Variants in PKD1 observed in about 807,000 individuals in gnomAD.
The protein encoded by PKD1 is polycystin 1, transient receptor potential channel interacting.
In PKD1, 81 loss-of-function variants were observed where a neutral mutation model predicts 361.7. The observed-to-expected ratio is 0.22, with a 90% CI of 0.19 to 0.27. The LOEUF is 0.27. Among genes scored for constraint, PKD1 ranks in the 10% least tolerant of loss-of-function variants. The pLI is 1.00. For synonymous variants in PKD1, 3,615 were observed against 2,818.3 expected, an observed-to-expected ratio of 1.28 and a Z score of -8.95; for missense variants, 6,399 against 6,118.3, an observed-to-expected ratio of 1.05 and a Z score of -1.53.
chr16:2,107,212 C>T lies in PKD1; in HGVS notation c.7066-264G>A, dbSNP rs530294877. The T allele has an allele frequency of 1.1e-4, 58 of 538,068 alleles. 1 individual carries two copies. The South Asian group carries it at 1.1e-3, about 10-fold the overall frequency. 33.3% of individuals were successfully genotyped at this position (538,068 alleles called of 1,614,324 possible). A position where few individuals can be genotyped will look rare whatever the true frequency, so the allele number is the denominator to read the frequency against. On this transcript the variant is annotated intron_variant, in intron 16 of 45. Transcript: ENST00000262304. ...GGACCCTAGCAGGAGGCAGGCAATG[C>T]TCACTGAGGGCCCCTGGGGGGATGC...
chr16:2,106,080 G>C lies in PKD1; in HGVS notation c.7703+11C>G. On this transcript the variant is annotated intron_variant, in intron 19 of 45. Transcript: ENST00000262304. The surrounding 1 kb of genome is among the most constrained non-coding windows in gnomAD (Gnocchi z 6.5). ...GCAGTCTCGGGGGCGCCCTCCCACGGCCTGGCTCACCTGTTGAGGGCGACC... is the reference window on the plus strand; with the variant it reads ...GCAGTCTCGGGGGCGCCCTCCCACGCCCTGGCTCACCTGTTGAGGGCGACC... The C allele has an allele frequency of 2.5e-6, 4 of 1,604,452 alleles. No homozygotes were observed. Among genetic ancestry groups the C allele is most frequent in the Non-Finnish European group, 3.4e-6 (4 of 1,175,956 alleles).
chr16:2,103,689 G>T lies in PKD1; in HGVS notation c.8368C>A (p.Pro2790Thr), dbSNP rs774970265. 6.2e-7 allele frequency: 1 copy of T among 1,610,060 alleles called. No homozygotes were observed. Among genetic ancestry groups the T allele is most frequent in the South Asian group, 1.1e-5 (1 of 90,966 alleles). ...EIVAQGKRSD[P>T]RSLLCYGGAP... ...CCGCCATAGCACAGCAGGCTCCGCG[G>T]GTCCGAGCGCTTGCCCTGGGCCACG... The change falls in exon 23 of 46, where the codon CCG becomes ACG. Residue 2790 changes from proline to threonine, a missense_variant. Physicochemically the swap from Pro to Thr is conservative, Grantham distance 38. Transcript: ENST00000262304.
chr16:2,105,606 T>C (rs2092310241), intron 20 of PKD1, 132 bp from the exon 21 acceptor site: 3 of 1,578,354 alleles, frequency 1.9e-6, no homozygotes, highest in African/African-American at 1.3e-5. Flanking sequence ...CCCACAACAC[T>C]GAGCTGTTTC....
rs765094547 is a variant in PKD1 at position 2,100,406 on chromosome 16, G to A, written c.9558C>T (p.His3186=). The A allele has an allele frequency of 1.3e-5, 21 of 1,611,280 alleles. No individual in the cohort carries two copies. The highest frequency in any genetic ancestry group is 2.3e-4 in the Middle Eastern group (1 of 4,430). ...AGGGTCCGCACAAACCTTTGTTGTC[G>A]TGCCACACTCGGATCTTCCACACGC... is the stretch of plus-strand genomic sequence containing the variant. The part of the protein sequence containing the change: ...LGSVWKIRVW[H]DNKGLSPAWF... Residue 3186 remains histidine (H), a synonymous_variant, in exon 27 of 46, where the codon CAC becomes CAT. Transcript: ENST00000262304. This position sits in a 1 kb window ranked among gnomAD's most constrained non-coding sequence, Gnocchi z 4.4.
At chr16:2,091,620 T>G (rs200733973) in intron 41 of PKD1, 23 bp from the exon 42 acceptor site, 1 of 1,561,680 alleles carries the variant, frequency 6.4e-7, no homozygotes, top group Non-Finnish European at 8.6e-7. Context: ...TGCGGGTCAG[T>G]AGGAGCGGGT....
At chr16:2,120,195 C>T (rs568079689) in intron 1 of PKD1, 11 of 326,302 alleles carry the variant, frequency 3.4e-5, no homozygotes, top group South Asian at 2.2e-4. Flanking sequence ...CTGGGTGAAA[C>T]GGCGAGACTC....
chr16:2,104,658 A>G lies in PKD1; in HGVS notation c.8017-16T>C, dbSNP rs1224892165. 4 of 1,444,918 alleles carry G rather than the reference A, an allele frequency of 2.8e-6. No homozygotes were observed. In the East Asian group the frequency reaches 9.3e-5, roughly 34 times the overall value. 89.5% of individuals were successfully genotyped at this position (1,444,918 alleles called of 1,614,324 possible). A position where few individuals can be genotyped will look rare whatever the true frequency, so the allele number is the denominator to read the frequency against. ...TGCTGGGCCCCTGTGTGGAGCCAGCAGTGTCCAGCCCCGCTCCTGGCCCCA... is the reference window on the plus strand; with the variant it reads ...TGCTGGGCCCCTGTGTGGAGCCAGCGGTGTCCAGCCCCGCTCCTGGCCCCA... On this transcript the variant is annotated splice_polypyrimidine_tract_variant and intron_variant, in intron 21 of 45. Transcript: ENST00000262304.
chr16:2,098,234 G>A (rs2091930110), intron 30 of PKD1: 1 of 560,466 alleles, frequency 1.8e-6, no homozygotes, highest in Admixed American at 3.0e-5. Flanking sequence ...TTTTTTAGAT[G>A]GAGTCTCGCT....
rs1485844308 is a variant in PKD1 at position 2,106,980 on chromosome 16, G to A, written c.7066-32C>T. 2 of 1,576,582 alleles carry A rather than the reference G, an allele frequency of 1.3e-6. No individual in the cohort carries two copies. The highest frequency in any genetic ancestry group is 8.6e-7 in the Non-Finnish European group (1 of 1,163,712). On this transcript the variant is annotated intron_variant, in intron 16 of 45. Coordinates refer to ENST00000262304, the MANE Select transcript of PKD1 (RefSeq NM_001009944.3). The surrounding 1 kb of genome is among the most constrained non-coding windows in gnomAD (Gnocchi z 6.5). ...TGGGAGTGGGGTTACCTCCAACACA[G>A]GTCTATTTGGCCTGCTGGAAGGACT...
In PKD1 at chr16:2,100,648, G is replaced by C. The variant is rs182580957; in HGVS notation, c.9398-82C>G. On this transcript the variant is annotated intron_variant, in intron 26 of 45. Transcript: ENST00000262304. This position sits in a 1 kb window ranked among gnomAD's most constrained non-coding sequence, Gnocchi z 4.4. ...TCCCAGGCAAGTCATCTCAGCTTTGGCCTGTGCGCACTCAAGGAGCCACAC... is the reference window on the plus strand; with the variant it reads ...TCCCAGGCAAGTCATCTCAGCTTTGCCCTGTGCGCACTCAAGGAGCCACAC... 145 of 1,267,872 alleles carry C rather than the reference G, an allele frequency of 1.1e-4. No homozygotes were observed. In the East Asian group the frequency reaches 3.3e-3, roughly 29 times the overall value. 78.5% of individuals were successfully genotyped at this position (1,267,872 alleles called of 1,614,324 possible).
rs769716717 is a variant in PKD1, at chr16:2,111,007, G to A, written c.4160C>T (p.Pro1387Leu). The A allele has an allele frequency of 1.2e-5, 19 of 1,610,544 alleles. No homozygotes were observed. Among genetic ancestry groups the A allele is most frequent in the East Asian group, 6.7e-5 (3 of 44,896 alleles). Residue 1387 changes from proline (P) to leucine (L), a missense_variant, in exon 15 of 46, where the codon CCA (proline) becomes CTA (leucine). Transcript: ENST00000262304. ...EPEVGNVTLQ[P>L]ERQFVQLGDE... ...CCCGAGCTGCACAAACTGCCTCTCT[G>A]GCTGCAGGGTGACGTTGCCCACCTC...
At chr16:2,105,639 C>T in intron 20 of PKD1, 165 bp from the exon 21 acceptor site, 1 of 1,514,716 alleles carries the variant, frequency 6.6e-7, no homozygotes, top group Non-Finnish European at 8.9e-7. Context: ...ACAGGGTAAG[C>T]ACATGGGCCC....
intron 26 of PKD1, among the ~76,000 whole-genome samples, chr16:2,101,586 C>G (rs2092098950): frequency 6.6e-6 from 1 of 152,216 alleles, no homozygotes; most frequent in African/African-American, 2.4e-5. Context: ...CCATTGCACT[C>G]CAGCCTGGGC....
Position 2,111,441 on chromosome 16 carries a change from C to A in PKD1, c.3726G>T (p.Thr1242=), listed in dbSNP as rs146243410. ...SAAVQTGDNI[T]WTFDMGDGTV... is the part of the protein sequence containing the mutation. Reference sequence around the variant, plus strand: ...TGCCGTCCCCCATGTCGAAGGTCCACGTGATGTTGTCGCCCGTCTGCACCG... The same window carrying A: ...TGCCGTCCCCCATGTCGAAGGTCCAAGTGATGTTGTCGCCCGTCTGCACCG... Residue 1242 remains threonine, a synonymous_variant, in exon 15 of 46, where the codon ACG becomes ACT. Coordinates refer to ENST00000262304, the MANE Select transcript of PKD1 (RefSeq NM_001009944.3). The A allele has an allele frequency of 6.2e-7, 1 of 1,611,904 alleles. No homozygotes were observed. The highest frequency in any genetic ancestry group is 1.3e-5 in the African/African-American group (1 of 75,020).
In PKD1 at chr16:2,110,976, C is replaced by G; in HGVS notation, c.4191G>C (p.Glu1397Asp). Residue 1397 changes from glutamate (E) to aspartate (D), a missense_variant, in exon 15 of 46, where the codon GAG (glutamate) becomes GAC (aspartate). Coordinates refer to ENST00000262304, the MANE Select transcript of PKD1 (RefSeq NM_001009944.3). ...GCCAGGCACATGCCACCAGCCAGGC[C>G]TCGTCCCCGAGCTGCACAAACTGCC... ...PERQFVQLGD[E>D]AWLVACAWPP... is the part of the protein sequence containing the mutation. 2 of 1,610,516 alleles carry G rather than the reference C, an allele frequency of 1.2e-6. No homozygotes were observed. The highest frequency in any genetic ancestry group is 1.1e-5 in the South Asian group (1 of 90,994).
In PKD1 at chr16:2,114,651, C is replaced by T. The variant is rs751278485; in HGVS notation, c.2372G>A (p.Arg791Gln). Residue 791 changes from arginine to glutamine, a missense_variant, in exon 11 of 46, where the codon CGG becomes CAG. Transcript: ENST00000262304. Reference sequence around the variant, plus strand: ...CCGGACCTCATAGCGCCCAGGCAGCCGCAGTCCAGGGTTGGGCCTCAAGCC... The same window carrying T: ...CCGGACCTCATAGCGCCCAGGCAGCTGCAGTCCAGGGTTGGGCCTCAAGCC... Reference protein sequence around the residue: ...LLGLRPNPGLRLPGRYEVRAE... With the variant: ...LLGLRPNPGLQLPGRYEVRAE... 24 of 1,556,356 alleles carry T rather than the reference C, an allele frequency of 1.5e-5. No individual in the cohort carries two copies. Among genetic ancestry groups the T allele is most frequent in the Middle Eastern group, 2.3e-4 (1 of 4,406 alleles).
intron 34 of PKD1, among the ~76,000 whole-genome samples, chr16:2,096,010 G>A (rs1432047935): frequency 6.6e-6 from 1 of 152,172 alleles, no homozygotes; most frequent in Non-Finnish European, 1.5e-5. Flanking sequence ...TTTTGTTTGA[G>A]TCCAGGGGCA....
chr16:2,115,641 G>T lies in PKD1; in HGVS notation c.1850-16C>A. 1.3e-6 allele frequency: 2 copies of T among 1,595,904 alleles called. No homozygotes were observed. Among genetic ancestry groups the T allele is most frequent in the Non-Finnish European group, 1.7e-6 (2 of 1,175,758 alleles). On this transcript the variant is annotated splice_polypyrimidine_tract_variant and intron_variant, in intron 9 of 45. Coordinates refer to ENST00000262304, the MANE Select transcript of PKD1 (RefSeq NM_001009944.3). ...TCCGGGGTCCCTGTGAGGAGGGGAG[G>T]GTGTTGGGGCCCTGATTTGCCCACA...
Position 2,090,936 on chromosome 16 carries a change from C to T in PKD1, c.11951G>A (p.Ser3984Asn), listed in dbSNP as rs1286891359. The change falls in exon 43 of 46, where the codon AGC becomes AAC. Residue 3984 changes from serine (S) to asparagine (N), a missense_variant. By Grantham distance (46) the Ser-to-Asn change is conservative. Coordinates refer to ENST00000262304, the MANE Select transcript of PKD1 (RefSeq NM_001009944.3). ...FTSFDQVAQL[S>N]SAARGLAASL... ...GGCCGCCAGGCCACGGGCTGCGGAG[C>T]TCAGCTGCGCCACCTGGTCGAAGCT... 2.5e-6 allele frequency: 4 copies of T among 1,573,706 alleles called. No individual in the cohort carries two copies. The highest frequency in any genetic ancestry group is 2.3e-5 in the East Asian group (1 of 43,504).
Sources: gnomAD v4.1 joint callset for allele counts (sites outside exome capture counted in the v4.1 genomes callset) on GRCh38, gnomAD v4.1.1 for gene constraint, Gnocchi (gnomAD v3.1) non-coding constraint, MANE v1.5 for transcripts, NCBI Gene and HGNC (gene_info 2026-07-23, HGNC 2026-07-21) for gene names.